The following SAMD4A variants were observed in gnomAD, a reference collection of about 807,000 sequenced individuals.
The protein encoded by SAMD4A is protein Smaug homolog 1.
A neutral mutation model predicts 81.3 loss-of-function variants in SAMD4A; 33 were observed. The observed-to-expected ratio is 0.41, with a 90% confidence interval of 0.31 to 0.54. The LOEUF is 0.54. Among genes scored for constraint, SAMD4A ranks in the 20% least tolerant of loss-of-function variants. The pLI is 0.37. For missense variants in SAMD4A, 854 were observed against 951.1 expected, an observed-to-expected ratio of 0.90 and a Z score of 1.34; for synonymous variants, 389 against 382.1, an observed-to-expected ratio of 1.02 and a Z score of -0.21.
rs2039251153 is a variant in SAMD4A, at chr14:54,791,011, G to A, written c.*2067G>A. The A allele has an allele frequency of 6.6e-6, 1 of 151,938 alleles. No homozygotes were observed. Among genetic ancestry groups the A allele is most frequent in the Non-Finnish European group, 1.5e-5 (1 of 68,006 alleles). The allele number at this position is 151,938 out of a possible 1,614,324, so 9.4% of individuals were successfully genotyped here. A position where few individuals can be genotyped will look rare whatever the true frequency, so the allele number is the denominator to read the frequency against. ...AAAAAAAGGTTCAGACCTCTCCTTG[G>A]GTGACTAAGTTCTAAAGATGCAAAT... is the stretch of plus-strand genomic sequence containing the variant. On this transcript the variant is annotated 3_prime_UTR_variant, in exon 13 of 13. Coordinates refer to ENST00000554335, the MANE Select transcript of SAMD4A (RefSeq NM_015589.6).
At chr14:54,676,253 C>T (rs1261798893) in intron 2 of SAMD4A, among the ~76,000 whole-genome samples, 1 of 152,178 alleles carries the variant, frequency 6.6e-6, no homozygotes, top group Non-Finnish European at 1.5e-5. Context: ...TCAGATATCT[C>T]CATTTTTCAT....
At chr14:54,643,227 G>A (rs982727643) in intron 2 of SAMD4A, among the ~76,000 whole-genome samples, 2 of 152,106 alleles carry the variant, frequency 1.3e-5, no homozygotes, top group Non-Finnish European at 2.9e-5. Context: ...AACTCTAAGG[G>A]GGACAGAAAA....
intron 2 of SAMD4A, among the ~76,000 whole-genome samples, chr14:54,586,799 C>A (rs1280118471): frequency 6.6e-6 from 1 of 152,118 alleles, no homozygotes; most frequent in African/African-American, 2.4e-5. Flanking sequence ...TATTTTTATA[C>A]CAGTACCATG....
chr14:54,774,322 A>T (rs970276914), intron 9 of SAMD4A, among the ~76,000 whole-genome samples: 4 of 152,258 alleles, frequency 2.6e-5, no homozygotes, highest in African/African-American at 4.8e-5. Flanking sequence ...AGGAAGTTCC[A>T]TGTGATACCG....
At chr14:54,611,544 A>G (rs1326595516) in intron 2 of SAMD4A, among the ~76,000 whole-genome samples, 1 of 152,230 alleles carries the variant, frequency 6.6e-6, no homozygotes, top group African/African-American at 2.4e-5. Flanking sequence ...AACCTGACAT[A>G]CTAGACTGTT....
In SAMD4A at chr14:54,788,897, T is replaced by C. The variant is rs777774580; in HGVS notation, c.2129-19T>C. ...TGTTTTGCTCACCTGTGCCCATCGT[T>C]TGCTGCTTTCTCTCCCAGACGGGGT... On this transcript the variant is annotated intron_variant, in intron 12 of 12. Transcript: ENST00000554335. The C allele has an allele frequency of 6.2e-7, 1 of 1,614,170 alleles. No individual in the cohort carries two copies. Among genetic ancestry groups the C allele is most frequent in the South Asian group, 1.1e-5 (1 of 91,082 alleles).
intron 2 of SAMD4A, among the ~76,000 whole-genome samples, chr14:54,621,847 A>G (rs1398503491): frequency 1.3e-5 from 2 of 152,212 alleles, no homozygotes; most frequent in Admixed American, 1.3e-4. Context: ...TCCAAGTTCA[A>G]CTAGACTCAT....
intron 6 of SAMD4A, among the ~76,000 whole-genome samples, chr14:54,758,211 C>T (rs553192139): frequency 6.6e-6 from 1 of 152,188 alleles, no homozygotes; most frequent in Non-Finnish European, 1.5e-5. Flanking sequence ...ATAAACCCTT[C>T]GTGCCAACTA....
At chr14:54,566,283 C>T (rs1465920980), upstream of SAMD4A, among the ~76,000 whole-genome samples, 2 of 151,476 alleles carry the variant, frequency 1.3e-5, no homozygotes, top group African/African-American at 4.8e-5. Context: ...GCAAGGGCCC[C>T]CGAGCCGCCG....
intron 2 of SAMD4A, among the ~76,000 whole-genome samples, chr14:54,589,014 T>C (rs1234228579): frequency 1.3e-5 from 2 of 152,242 alleles, no homozygotes; most frequent in Admixed American, 6.5e-5. Context: ...GTTATTAAAA[T>C]GTATACAACG....
intron 3 of SAMD4A, among the ~76,000 whole-genome samples, chr14:54,712,572 G>A (rs2037017605): frequency 6.6e-6 from 1 of 152,116 alleles, no homozygotes; most frequent in Non-Finnish European, 1.5e-5. Context: ...TCCTTCTCCT[G>A]TTTCCAAGAG....
chr14:54,587,374 C>A (rs1301901910), intron 2 of SAMD4A, among the ~76,000 whole-genome samples: 1 of 152,138 alleles, frequency 6.6e-6, no homozygotes, highest in South Asian at 2.1e-4. Flanking sequence ...CATCAGCAAA[C>A]AGTGACAGTT....
At chr14:54,669,661 T>C (rs1012140778) in intron 2 of SAMD4A, among the ~76,000 whole-genome samples, 2 of 152,054 alleles carry the variant, frequency 1.3e-5, no homozygotes, top group African/African-American at 4.8e-5. Flanking sequence ...GTGTTGGTTT[T>C]TAACTAGGCC....
intron 2 of SAMD4A, chr14:54,687,240 AAG>A: frequency 2.9e-6 from 1 of 346,156 alleles, no homozygotes; most frequent in Middle Eastern, 5.0e-4. Flanking sequence ...CAAAATAAGA[AAG>A]AGAAAAGATG....
intron 2 of SAMD4A, among the ~76,000 whole-genome samples, chr14:54,658,406 A>T (rs2035571039): frequency 6.6e-6 from 1 of 151,744 alleles, no homozygotes; most frequent in South Asian, 2.1e-4. Context: ...TGGCTCAGTG[A>T]CCCCCTTGTA....
At chr14:54,775,632 T>C (rs1201178023) in intron 10 of SAMD4A, among the ~76,000 whole-genome samples, 1 of 152,102 alleles carries the variant, frequency 6.6e-6, no homozygotes. Flanking sequence ...TAGAGCTGAC[T>C]TCTCTGGCCC....
chr14:54,580,587 T>C (rs1200627953), intron 2 of SAMD4A, among the ~76,000 whole-genome samples: 2 of 152,180 alleles, frequency 1.3e-5, no homozygotes, highest in Non-Finnish European at 2.9e-5. Flanking sequence ...CATTCATTCG[T>C]TGGTTAAACA....
chr14:54,616,156 T>A (rs2034485951), intron 2 of SAMD4A, among the ~76,000 whole-genome samples: 1 of 152,212 alleles, frequency 6.6e-6, no homozygotes, highest in African/African-American at 2.4e-5. Context: ...AACCTTCCCA[T>A]AGGAAAGATT....
intron 2 of SAMD4A, among the ~76,000 whole-genome samples, chr14:54,656,043 A>G (rs939830638): frequency 6.6e-6 from 1 of 152,216 alleles, no homozygotes; most frequent in Non-Finnish European, 1.5e-5. Flanking sequence ...AAATATTAAC[A>G]TGTAATGTTA....
Sources: gnomAD v4.1 joint callset for allele counts (sites outside exome capture counted in the v4.1 genomes callset) on GRCh38, gnomAD v4.1.1 for gene constraint, MANE v1.5 for transcripts, NCBI Gene and HGNC (gene_info 2026-07-23, HGNC 2026-07-21) for gene names.